The following LRP5 variants were observed in gnomAD, a reference collection of about 807,000 sequenced individuals.
LRP5 encodes the protein low-density lipoprotein receptor-related protein 5.
A neutral mutation model predicts 154.1 loss-of-function variants in LRP5; 62 were observed. That is an observed-to-expected ratio of 0.40 (90% CI 0.33 to 0.50). The LOEUF is 0.50. Among genes scored for constraint, LRP5 ranks in the 20% least tolerant of loss-of-function variants. The pLI is 0.55. For missense variants in LRP5, 1,915 were observed against 2,336.7 expected, an observed-to-expected ratio of 0.82 and a Z score of 3.72; for synonymous variants, 966 against 1,011.5, an observed-to-expected ratio of 0.96 and a Z score of 0.85.
intron 15 of LRP5, 66 bp downstream of exon 15, chr11:68,425,358 T>A (rs2098668155): frequency 6.6e-7 from 1 of 1,506,778 alleles, no homozygotes; most frequent in South Asian, 1.2e-5. Flanking sequence ...TGGCAGCAGC[T>A]GCCACATTGT....
chr11:68,404,160 A>T, intron 8 of LRP5: 2 of 434,358 alleles, frequency 4.6e-6, no homozygotes, highest in South Asian at 3.8e-5. Flanking sequence ...GAAAGCCAGG[A>T]TCTTCAGGAC....
In LRP5 at chr11:68,423,391, C is replaced by T; in HGVS notation, c.3028-98C>T. On this transcript the variant is annotated intron_variant, in intron 13 of 22. Transcript: ENST00000294304. The surrounding 1 kb of genome is among the most constrained non-coding windows in gnomAD (Gnocchi z 4.7). ...CTCTCCAGCCAGTGCCCGGGGGTCT[C>T]CACCAGTGCCCGGGGGTCTCCGCCA... is the stretch of plus-strand genomic sequence containing the variant. 2 of 1,156,324 alleles carry T rather than the reference C, an allele frequency of 1.7e-6. No homozygotes were observed. The highest frequency in any genetic ancestry group is 2.6e-6 in the Non-Finnish European group (2 of 765,774). The allele number at this position is 1,156,324 out of a possible 1,614,324, so 71.6% of individuals were successfully genotyped here. A position where few individuals can be genotyped will look rare whatever the true frequency, so the allele number is the denominator to read the frequency against.
the LRP5 span, among the ~76,000 whole-genome samples, chr11:68,304,184 C>G: frequency 9.7e-4 from 147 of 152,232 alleles, no homozygotes; most frequent in Middle Eastern, 3.2e-3. Context: ...GCACAGGGCC[C>G]TGCTGCTCTG....
At position 68,423,536 on chromosome 11, in the gene LRP5, G is replaced by A; in HGVS notation, c.3075G>A (p.Gln1025=). ...GCCAAGGCCAAAACCCAGACAGGCA[G>A]CCCCACGACCTCAGCATCGACATCT... ...SLSQGQNPDR[Q]PHDLSIDIYS... The change falls in exon 14 of 23, where the codon CAG becomes CAA. Residue 1025 remains glutamine, a synonymous_variant. Transcript: ENST00000294304. The surrounding 1 kb of genome is among the most constrained non-coding windows in gnomAD (Gnocchi z 4.7). 6.2e-7 allele frequency: 1 copy of A among 1,614,232 alleles called. No individual in the cohort carries two copies. The highest frequency in any genetic ancestry group is 8.5e-7 in the Non-Finnish European group (1 of 1,180,042).
rs1457854769 is a variant in LRP5, at chr11:68,423,419, GCCAGGGGTCTCCGCCAGTGC to G, written c.3028-49_3028-30del. ...CCAGTGCCCGGGGGTCTCCGCCAGT[GCCAGGGGTCTCCGCCAGTGC>G]CCAGGGGTCTCCGCCAGTGCTCAGG... On this transcript the variant is annotated intron_variant, in intron 13 of 22. Coordinates refer to ENST00000294304, the MANE Select transcript of LRP5 (RefSeq NM_002335.4). This position sits in a 1 kb window ranked among gnomAD's most constrained non-coding sequence, Gnocchi z 4.7. The G allele has an allele frequency of 2.0e-5, 29 of 1,449,756 alleles. No individual in the cohort carries two copies. The highest frequency in any genetic ancestry group is 8.4e-5 in the Admixed American group (5 of 59,622). 89.8% of individuals were successfully genotyped at this position (1,449,756 alleles called of 1,614,324 possible).
At chr11:68,330,395 A>G (rs2098602089) in intron 1 of LRP5, among the ~76,000 whole-genome samples, 1 of 152,208 alleles carries the variant, frequency 6.6e-6, no homozygotes, top group Non-Finnish European at 1.5e-5. Context: ...CCCCAGCTCC[A>G]CTCAACAGTG....
At chr11:68,307,622 C>T (rs1392478845), upstream of LRP5, among the ~76,000 whole-genome samples, 3 of 151,708 alleles carry the variant, frequency 2.0e-5, no homozygotes, top group East Asian at 3.9e-4. Context: ...TGCACCACTG[C>T]ACTCCAGCCT....
intron 1 of LRP5, among the ~76,000 whole-genome samples, chr11:68,314,098 G>T (rs1343508388): frequency 6.6e-6 from 1 of 152,186 alleles, no homozygotes; most frequent in East Asian, 1.9e-4. Flanking sequence ...ACAAAACAGC[G>T]ACAGTATCTG....
chr11:68,374,156 G>A (rs2098636018), intron 5 of LRP5, among the ~76,000 whole-genome samples: 1 of 152,202 alleles, frequency 6.6e-6, no homozygotes, highest in South Asian at 2.1e-4. Context: ...GGAACAGAGG[G>A]GGCCACTGTC....
At position 68,410,028 on chromosome 11, in the gene LRP5, G is replaced by A. The variant is rs776613004; in HGVS notation, c.2206G>A (p.Asp736Asn). Reference sequence around the variant, plus strand: ...GATGGGCAAGAACCTCTACTGGGCCGACACTGGGACCAACAGAATCGAAGT... The same window carrying A: ...GATGGGCAAGAACCTCTACTGGGCCAACACTGGGACCAACAGAATCGAAGT... The part of the protein sequence containing the change: ...DWMGKNLYWA[D>N]TGTNRIEVAR... Residue 736 changes from aspartate to asparagine, a missense_variant, in exon 10 of 23, where the codon GAC becomes AAC. By Grantham distance (23) the Asp-to-Asn change is conservative. This residue lies in a region of LRP5 where 773 missense variants were observed against 1,100.9 expected (regional missense o/e 0.70). Transcript: ENST00000294304. The A allele has an allele frequency of 3.0e-5, 49 of 1,613,932 alleles. No homozygotes were observed. Among genetic ancestry groups the A allele is most frequent in the Non-Finnish European group, 3.8e-5 (45 of 1,179,988 alleles).
chr11:68,331,457 A>C (rs972331878), intron 1 of LRP5, among the ~76,000 whole-genome samples: 1 of 152,226 alleles, frequency 6.6e-6, no homozygotes, highest in African/African-American at 2.4e-5. Context: ...CCTTGGTGTC[A>C]GGGCCATAGC....
intron 14 of LRP5, among the ~76,000 whole-genome samples, chr11:68,424,433 G>C (rs1190068138): frequency 6.6e-6 from 1 of 152,146 alleles, no homozygotes; most frequent in African/African-American, 2.4e-5. Flanking sequence ...CGGCCACAGT[G>C]GTGCGGCCTC....
the LRP5 span, among the ~76,000 whole-genome samples, chr11:68,299,323 G>T: frequency 6.6e-6 from 1 of 152,206 alleles, no homozygotes; most frequent in African/African-American, 2.4e-5. Context: ...AGCAGCTCAG[G>T]GGGAGGCTGG....
chr11:68,301,882 C>G, the LRP5 span, among the ~76,000 whole-genome samples: 1 of 152,026 alleles, frequency 6.6e-6, no homozygotes, highest in African/African-American at 2.4e-5. Context: ...CCTGCCTCGG[C>G]CTCCCAAAGT....
At chr11:68,332,051 C>T (rs192126416) in intron 1 of LRP5, among the ~76,000 whole-genome samples, 1 of 152,174 alleles carries the variant, frequency 6.6e-6, no homozygotes, top group African/African-American at 2.4e-5. Flanking sequence ...GGGTGCAGCT[C>T]CAGGCTTTCT....
intron 5 of LRP5, among the ~76,000 whole-genome samples, chr11:68,382,547 G>A (rs1335514722): frequency 1.3e-5 from 2 of 152,174 alleles, no homozygotes; most frequent in African/African-American, 4.8e-5. Flanking sequence ...TGACCCCAAG[G>A]GCGTCCTGAG....
intron 2 of LRP5, among the ~76,000 whole-genome samples, chr11:68,351,338 G>A (rs1470580571): frequency 3.9e-5 from 6 of 152,058 alleles, no homozygotes; most frequent in South Asian, 2.1e-4. Context: ...CCTCTGTTCC[G>A]CTTGGTGAAC....
At chr11:68,388,687 T>C (rs2098644380) in intron 6 of LRP5, among the ~76,000 whole-genome samples, 1 of 152,078 alleles carries the variant, frequency 6.6e-6, no homozygotes, top group Admixed American at 6.5e-5. Flanking sequence ...GGTGCTCAGC[T>C]CCTCCAGCCC....
rs931249613 is a variant in LRP5 at position 68,344,021 on chromosome 11, T to G, written c.92-3826T>G. ...TGAAATGCAGACCTCTCAGCTGGTGTTCCAGAGCAGCTGCCTTCCCCCGCC... is the reference window on the plus strand; with the variant it reads ...TGAAATGCAGACCTCTCAGCTGGTGGTCCAGAGCAGCTGCCTTCCCCCGCC... On this transcript the variant is annotated intron_variant, in intron 1 of 22. Transcript: ENST00000294304. Among the ~76,000 whole-genome samples the G allele has an allele frequency of 1.3e-4, 20 of 152,110 alleles. No homozygotes were observed. The East Asian group carries it at 3.9e-3, about 30-fold the overall frequency.
Sources: gnomAD v4.1 joint callset for allele counts (sites outside exome capture counted in the v4.1 genomes callset) on GRCh38, gnomAD v4.1.1 for gene constraint, gnomAD v4.1.1 regional missense constraint, Gnocchi (gnomAD v3.1) non-coding constraint, MANE v1.5 for transcripts, NCBI Gene and HGNC (gene_info 2026-07-23, HGNC 2026-07-21) for gene names.